ZNF649: variants seen among roughly 807,000 people sequenced by gnomAD.
ZNF649 encodes zinc finger protein 649.
Under a neutral mutation model 14.1 loss-of-function variants are expected in ZNF649, and 7 were observed. The ratio of observed to expected loss-of-function variants is 0.49; its 90% CI spans 0.28 to 0.93. The LOEUF (loss-of-function observed/expected upper bound fraction) is 0.93. Ranked by LOEUF, ZNF649 falls within the 40% of genes least tolerant of loss-of-function variation. The pLI, the probability that ZNF649 is intolerant of heterozygous loss-of-function variation, is 0.10. For missense variants in ZNF649, 544 were observed against 608.1 expected (o/e 0.89, Z 1.11); for synonymous variants, 227 against 212.3 (o/e 1.07, Z -0.60).
rs548242550 is a variant in ZNF649, at chr19:51,891,420, C to A, written c.716G>T (p.Cys239Phe). The A allele has an allele frequency of 6.2e-7, 1 of 1,614,174 alleles. No homozygotes were observed. Among genetic ancestry groups the A allele is most frequent in the South Asian group, 1.1e-5 (1 of 91,074 alleles). Residue 239 changes from cysteine to phenylalanine, a missense_variant, in exon 5 of 5, where the codon TGT (cysteine) becomes TTT (phenylalanine). Coordinates refer to ENST00000354957, the MANE Select transcript of ZNF649 (RefSeq NM_023074.4). This position sits in a 1 kb window ranked among gnomAD's most constrained non-coding sequence, Gnocchi z 4.2. ...RGEKPHGCSL[C>F]GKAFYKRYRL... Reference sequence around the variant, plus strand: ...GTACCTCTTGTAGAAGGCTTTCCCACACAAGCTACACCCGTGGGGTTTCTC... The same window carrying A: ...GTACCTCTTGTAGAAGGCTTTCCCAAACAAGCTACACCCGTGGGGTTTCTC...
At chr19:51,895,757 G>GTA (rs1342219817) in intron 4 of ZNF649, among the ~76,000 whole-genome samples, 8 of 151,362 alleles carry the variant, frequency 5.3e-5, no homozygotes, top group Non-Finnish European at 1.2e-4. Flanking sequence ...AATATATAAA[G>GTA]TATATATATA....
rs145464081 is a variant in ZNF649 at position 51,891,693 on chromosome 19, G to T, written c.443C>A (p.Thr148Lys). 1 of 1,613,322 alleles carries T rather than the reference G, an allele frequency of 6.2e-7. No individual in the cohort carries two copies. The highest frequency in any genetic ancestry group is 8.5e-7 in the Non-Finnish European group (1 of 1,179,856). ...FLHDNHEQMP[T>K]EIEFPESRKP... is the part of the protein sequence containing the mutation. ...TCTACTTTCAGGGAATTCAATTTCC[G>T]TAGGCATTTGTTCATGATTATCATG... Residue 148 changes from threonine (T) to lysine (K), a missense_variant, in exon 5 of 5, where the codon ACG (threonine) becomes AAG (lysine). By Grantham distance (78) the Thr-to-Lys change is moderately conservative. Transcript: ENST00000354957. This position sits in a 1 kb window ranked among gnomAD's most constrained non-coding sequence, Gnocchi z 4.2.
chr19:51,902,445 C>T (rs915581602), intron 1 of ZNF649, among the ~76,000 whole-genome samples: 21 of 152,112 alleles, frequency 1.4e-4, no homozygotes, highest in African/African-American at 4.8e-4. Flanking sequence ...TCCTCAGGTT[C>T]GATTAATTTG....
In ZNF649 at chr19:51,896,407, C is replaced by T. The variant is rs868493171; in HGVS notation, c.238+65G>A. The T allele has an allele frequency of 2.4e-5, 34 of 1,430,452 alleles. No individual in the cohort carries two copies. In the African/African-American group the frequency reaches 4.3e-4, roughly 18 times the overall value. 88.6% of individuals were successfully genotyped at this position (1,430,452 alleles called of 1,614,324 possible). A position where few individuals can be genotyped will look rare whatever the true frequency, so the allele number is the denominator to read the frequency against. The stretch of plus-strand genomic sequence containing the variant: ...CTAGACACTTTCACAACTGTCATGC[C>T]TTCTCTAAATGACCAGAATGTGACT... On this transcript the variant is annotated intron_variant, in intron 4 of 4. Transcript: ENST00000354957.
At position 51,904,462 on chromosome 19, in the gene ZNF649, A is replaced by T. The variant is rs1364617929; in HGVS notation, c.-188+452T>A. ...CAGGGGCCTGGGCTTGTAAAATACC[A>T]GATTTTACAAGCCTCTGAGCCCCAC... On this transcript the variant is annotated intron_variant, in intron 1 of 4. Transcript: ENST00000354957. Among the ~76,000 whole-genome samples, 3 of 152,078 alleles carry T rather than the reference A, an allele frequency of 2.0e-5. No individual in the cohort carries two copies. The East Asian group carries it at 5.9e-4, about 30-fold the overall frequency.
intron 4 of ZNF649, among the ~76,000 whole-genome samples, chr19:51,895,471 G>C (rs939648571): frequency 1.3e-5 from 2 of 152,078 alleles, no homozygotes; most frequent in Admixed American, 6.6e-5. Flanking sequence ...AGCCTCCTGA[G>C]TAGCTGGGAC....
In ZNF649 at chr19:51,890,902, G is replaced by A; in HGVS notation, c.1234C>T (p.Leu412Phe). ...YKCSDCGKAF[L>F]TKTMLIVHHR... ...TGTACAATGAGCATTGTCTTTGTAA[G>A]GAAGGCTTTCCCACAGTCACTGCAT... Residue 412 changes from leucine to phenylalanine, a missense_variant, in exon 5 of 5, where the codon CTT becomes TTT. Transcript: ENST00000354957. 2 of 1,614,180 alleles carry A rather than the reference G, an allele frequency of 1.2e-6. No homozygotes were observed. The highest frequency in any genetic ancestry group is 1.7e-6 in the Non-Finnish European group (2 of 1,180,032).
At chr19:51,895,158 G>C (rs1002534194) in intron 4 of ZNF649, among the ~76,000 whole-genome samples, 2 of 152,156 alleles carry the variant, frequency 1.3e-5, no homozygotes, top group African/African-American at 2.4e-5. Context: ...CTATGGGAGT[G>C]GCTTGTGTGT....
intron 1 of ZNF649, among the ~76,000 whole-genome samples, chr19:51,901,695 C>T (rs2085095714): frequency 6.6e-6 from 1 of 152,026 alleles, no homozygotes; most frequent in Non-Finnish European, 1.5e-5. Flanking sequence ...TTGGCTCACA[C>T]CTGTAATCCC....
At chr19:51,901,150 G>C (rs531856106) in intron 1 of ZNF649, among the ~76,000 whole-genome samples, 1 of 152,190 alleles carries the variant, frequency 6.6e-6, no homozygotes, top group African/African-American at 2.4e-5. Context: ...GAGAGAGATT[G>C]TGTGCCATGG....
At chr19:51,894,860 C>G (rs114597037) in intron 4 of ZNF649, among the ~76,000 whole-genome samples, 5 of 151,892 alleles carry the variant, frequency 3.3e-5, no homozygotes. Context: ...TGTAAAGACA[C>G]GCCCAGGCCC....
Position 51,891,556 on chromosome 19 carries a change from T to C in ZNF649, c.580A>G (p.Thr194Ala). The C allele has an allele frequency of 1.2e-6, 2 of 1,614,258 alleles. No individual in the cohort carries two copies. The highest frequency in any genetic ancestry group is 2.2e-5 in the East Asian group (1 of 44,886). ...GKAFLKKSQL[T>A]EHKRIHTGKK... Reference sequence around the variant, plus strand: ...CCTGTATGAATTCTCTTATGCTCAGTGAGCTGAGACTTCTTGAGGAAAGCT... The same window carrying C: ...CCTGTATGAATTCTCTTATGCTCAGCGAGCTGAGACTTCTTGAGGAAAGCT... The change falls in exon 5 of 5, where the codon ACT becomes GCT. Residue 194 changes from threonine (T) to alanine (A), a missense_variant. By Grantham distance (58) the Thr-to-Ala change is moderately conservative. Transcript: ENST00000354957. This position sits in a 1 kb window ranked among gnomAD's most constrained non-coding sequence, Gnocchi z 4.2.
intron 4 of ZNF649, among the ~76,000 whole-genome samples, chr19:51,895,784 TAC>T (rs1052516248): frequency 1.5e-4 from 23 of 151,772 alleles, no homozygotes; most frequent in African/African-American, 4.8e-4. Flanking sequence ...TATACACACA[TAC>T]ACACACACAT....
At position 51,891,346 on chromosome 19, in the gene ZNF649, AC is replaced by A; in HGVS notation, c.789del (p.Cys264AlafsTer99). The A allele has an allele frequency of 1.9e-6, 3 of 1,614,170 alleles. No individual in the cohort carries two copies. Among genetic ancestry groups the A allele is most frequent in the Non-Finnish European group, 2.5e-6 (3 of 1,180,028 alleles). The part of the protein sequence containing the change: ...ERAHKGEKPY[G>X]CSECGKAFPR... The stretch of plus-strand genomic sequence containing the variant: ...GGGAAGGCTTTCCCACATTCACTGC[AC>A]CCGTATGGTTTCTCTCCTTTGTGAG... On this transcript the variant is annotated frameshift_variant, in exon 5 of 5. Transcript: ENST00000354957. LOFTEE classifies it low-confidence loss of function (END_TRUNC). This position sits in a 1 kb window ranked among gnomAD's most constrained non-coding sequence, Gnocchi z 4.2.
intron 2 of ZNF649, among the ~76,000 whole-genome samples, chr19:51,897,689 T>A (rs1420877356): frequency 6.6e-6 from 1 of 152,174 alleles, no homozygotes; most frequent in African/African-American, 2.4e-5. Flanking sequence ...GACATAGATG[T>A]CCTCACAGGT....
At chr19:51,901,070 T>C (rs974159330) in intron 1 of ZNF649, among the ~76,000 whole-genome samples, 1 of 151,822 alleles carries the variant, frequency 6.6e-6, no homozygotes. Flanking sequence ...TCACACAGGA[T>C]ACACTTAATT....
At position 51,890,253 on chromosome 19, in the gene ZNF649, G is replaced by A. The variant is rs531023624; in HGVS notation, c.*365C>T. 2 of 180,108 alleles carry A rather than the reference G, an allele frequency of 1.1e-5. No homozygotes were observed. Among genetic ancestry groups the A allele is most frequent in the East Asian group, 1.5e-4 (1 of 6,848 alleles). 11.2% of individuals were successfully genotyped at this position (180,108 alleles called of 1,614,324 possible). On this transcript the variant is annotated 3_prime_UTR_variant, in exon 5 of 5. Transcript: ENST00000354957. Reference sequence around the variant, plus strand: ...TAAAAAGCATGAACATCATTTTCATGTACATATGTGTATACACAAAAAGAT... The same window carrying A: ...TAAAAAGCATGAACATCATTTTCATATACATATGTGTATACACAAAAAGAT...
intron 1 of ZNF649, among the ~76,000 whole-genome samples, chr19:51,903,909 A>G (rs1256158643): frequency 1.3e-5 from 2 of 152,214 alleles, no homozygotes; most frequent in African/African-American, 4.8e-5. Flanking sequence ...CCATACTTCT[A>G]TATTTGAGTC....
At chr19:51,893,890 A>C (rs2085041111) in intron 4 of ZNF649, among the ~76,000 whole-genome samples, 1 of 152,192 alleles carries the variant, frequency 6.6e-6, no homozygotes. Flanking sequence ...AACATCAGCT[A>C]TACAGTATGA....
Sources: allele counts gnomAD v4.1 joint callset (sites outside exome capture counted in the v4.1 genomes callset), GRCh38; gene constraint gnomAD v4.1.1; non-coding constraint Gnocchi (gnomAD v3.1); transcripts MANE v1.5; gene names NCBI Gene and HGNC (gene_info 2026-07-23, HGNC 2026-07-21).